Variants in FAAH2 observed in about 807,000 individuals in gnomAD.
FAAH2 encodes fatty-acid amide hydrolase 2.
Under a neutral mutation model 36.9 loss-of-function variants are expected in FAAH2, and 60 were observed. The ratio of observed to expected loss-of-function variants is 1.63; its 90% CI spans 1.32 to 2.02. The LOEUF (loss-of-function observed/expected upper bound fraction) is 2.02, where lower values mean the gene tolerates loss of function less well. Ranked by LOEUF, FAAH2 falls within the 30% of genes most tolerant of loss-of-function variation. The pLI, the probability that FAAH2 is intolerant of heterozygous loss-of-function variation, is 0.00. For synonymous variants in FAAH2, 214 were observed against 143.8 expected (o/e 1.49, Z -3.49); for missense variants, 689 against 397.5 (o/e 1.73, Z -6.23).
chrX:57,422,769 G>A (rs1452322475), intron 7 of FAAH2, among the ~76,000 whole-genome samples: 2 of 111,805 alleles, frequency 1.8e-5, no homozygotes, highest in Non-Finnish European at 3.8e-5. Context: ...TGGGAGGCTG[G>A]AAATGATTAT....
the FAAH2 span, among the ~76,000 whole-genome samples, chrX:57,203,294 G>T: frequency 4.4e-5 from 5 of 112,448 alleles, no homozygotes; most frequent in East Asian, 1.1e-3. Flanking sequence ...ATCTGCAGCA[G>T]GAACATGTTC....
intron 10 of FAAH2, among the ~76,000 whole-genome samples, chrX:57,469,764 A>G (rs2057124633): frequency 8.9e-6 from 1 of 111,968 alleles, no homozygotes; most frequent in South Asian, 3.7e-4. Flanking sequence ...AGACATCCAC[A>G]GAAGTCTTCA....
At chrX:57,190,522 G>A in the FAAH2 span, among the ~76,000 whole-genome samples, 1 of 110,080 alleles carries the variant, frequency 9.1e-6, no homozygotes, top group Non-Finnish European at 1.9e-5. Context: ...CTTGAAAGTC[G>A]GGGCCCTGGT....
chrX:57,388,797 A>AT (rs2055089747), intron 7 of FAAH2, among the ~76,000 whole-genome samples: 2 of 110,905 alleles, frequency 1.8e-5, no homozygotes, highest in Non-Finnish European at 3.8e-5. Flanking sequence ...GAAACCACAG[A>AT]TTTTTTACTG....
At chrX:57,246,277 G>T in the FAAH2 span, among the ~76,000 whole-genome samples, 1 of 111,726 alleles carries the variant, frequency 9.0e-6, no homozygotes, top group Non-Finnish European at 1.9e-5. Context: ...TGGATTCACA[G>T]CCGAATTCTA....
chrX:57,174,822 AT>A, the FAAH2 span, among the ~76,000 whole-genome samples: 2 of 111,404 alleles, frequency 1.8e-5, no homozygotes, highest in Non-Finnish European at 3.8e-5. Context: ...TTCCATCTTG[AT>A]TTCATTGTTA....
chrX:57,235,045 C>G, the FAAH2 span, among the ~76,000 whole-genome samples: 1 of 110,926 alleles, frequency 9.0e-6, no homozygotes, highest in Non-Finnish European at 1.9e-5. Flanking sequence ...CTCCATGGCC[C>G]AGGGACTGGG....
intron 7 of FAAH2, 147 bp from the exon 8 acceptor site, chrX:57,431,771 G>GTTTTTTTTTTTTTTTTTTTTTT (rs1218617071): frequency 9.9e-6 from 2 of 202,004 alleles, no homozygotes; most frequent in African/African-American, 1.0e-4. Context: ...TTGTTTTTTT[G>GTTTTTTTTTTTTTTTTTTTTTT]TTTTTTTGTT....
At chrX:57,135,609 C>T in the FAAH2 span, 6 of 831,550 alleles carry the variant, frequency 7.2e-6, no homozygotes, top group Non-Finnish European at 9.9e-6. Context: ...ACCAAACACA[C>T]CCGAACTTTT....
chrX:57,466,156 C>CTCTCTCTCTCTA (rs1287266105), intron 10 of FAAH2, among the ~76,000 whole-genome samples: 30 of 66,392 alleles, frequency 4.5e-4, no homozygotes, highest in Non-Finnish European at 5.6e-4. Context: ...CTCTCTCTCT[C>CTCTCTCTCTCTA]TATATATATA....
the FAAH2 span, among the ~76,000 whole-genome samples, chrX:57,224,122 C>G: frequency 9.0e-6 from 1 of 111,556 alleles, no homozygotes; most frequent in African/African-American, 3.3e-5. Flanking sequence ...TTACCAGACT[C>G]TGAGCCACTC....
chrX:57,376,236 G>A (rs1294305754), intron 5 of FAAH2, among the ~76,000 whole-genome samples: 2 of 109,906 alleles, frequency 1.8e-5, no homozygotes, highest in African/African-American at 3.3e-5. Context: ...CGTGTTCATC[G>A]ATATTATTAA....
the FAAH2 span, among the ~76,000 whole-genome samples, chrX:57,265,733 T>A: frequency 1.8e-5 from 2 of 112,013 alleles, no homozygotes; most frequent in African/African-American, 6.5e-5. Context: ...TGGACCATTA[T>A]CTTTGTTGTT....
chrX:57,336,020 AG>A (rs1346032200), intron 4 of FAAH2, among the ~76,000 whole-genome samples: 6 of 111,683 alleles, frequency 5.4e-5, no homozygotes, highest in Admixed American at 9.5e-5. Context: ...CATCATCTCA[AG>A]GCAGAAGAAT....
intron 10 of FAAH2, among the ~76,000 whole-genome samples, chrX:57,458,975 G>A (rs2082283): frequency 0.33 from 36,919 of 110,481 alleles, 5,081 homozygotes; most frequent in Middle Eastern, 0.61. Context: ...AGACAGAACC[G>A]TTCACTCCCC....
the FAAH2 span, among the ~76,000 whole-genome samples, chrX:57,172,551 C>T: frequency 1.8e-5 from 2 of 112,408 alleles, no homozygotes; most frequent in Admixed American, 1.9e-4. Context: ...ACTACCTTAT[C>T]ACAAGGGCAA....
chrX:57,290,881 A>G (rs1016372150), intron 1 of FAAH2, among the ~76,000 whole-genome samples: 1 of 111,518 alleles, frequency 9.0e-6, no homozygotes, highest in African/African-American at 3.3e-5. Context: ...AGTTTTGTTT[A>G]CCTCTTAGAT....
intron 6 of FAAH2, among the ~76,000 whole-genome samples, chrX:57,380,493 C>T (rs1447913585): frequency 1.8e-5 from 2 of 112,086 alleles, no homozygotes; most frequent in Non-Finnish European, 3.8e-5. Flanking sequence ...GACTGGATGA[C>T]CAAAATCAAC....
chrX:57,422,291 A>T (rs1034547452), intron 7 of FAAH2, among the ~76,000 whole-genome samples: 1 of 111,654 alleles, frequency 9.0e-6, no homozygotes, highest in Non-Finnish European at 1.9e-5. Flanking sequence ...ATGTGATGGG[A>T]ATTACCACCC....
Sources: gnomAD v4.1 joint callset for allele counts (sites outside exome capture counted in the v4.1 genomes callset) on GRCh38, gnomAD v4.1.1 for gene constraint, MANE v1.5 for transcripts, NCBI Gene and HGNC (gene_info 2026-07-23, HGNC 2026-07-21) for gene names.